SEPTIN10: variants seen among roughly 807,000 people sequenced by gnomAD.
SEPTIN10 encodes the protein septin-10.
Under a neutral mutation model 54.8 loss-of-function variants are expected in SEPTIN10, and 66 were observed. The observed-to-expected ratio is 1.21, with a 90% confidence interval of 0.99 to 1.48. The LOEUF is 1.48. Among genes scored for constraint, SEPTIN10 ranks in the 40% most tolerant of loss-of-function variants. The pLI is 0.00. For synonymous variants in SEPTIN10, 161 were observed against 181.0 expected (o/e 0.89, Z 0.89); for missense variants, 620 against 545.6 (o/e 1.14, Z -1.36).
chr2:109,603,860 C>A, intron 1 of SEPTIN10, among the ~76,000 whole-genome samples: 1 of 151,980 alleles, frequency 6.6e-6, no homozygotes, highest in East Asian at 2.0e-4. Context: ...ATGGTGAAAC[C>A]GTCTCTAATT....
chr2:109,547,899 T>C (rs934790007), intron 9 of SEPTIN10, among the ~76,000 whole-genome samples: 1 of 152,196 alleles, frequency 6.6e-6, no homozygotes, highest in Non-Finnish European at 1.5e-5. Flanking sequence ...CTGTGTCCTG[T>C]GCTCTGTTAC....
intron 5 of SEPTIN10, among the ~76,000 whole-genome samples, 153 bp downstream of exon 5, chr2:109,574,428 G>C (rs1337491249): frequency 2.5e-5 from 3 of 118,506 alleles, no homozygotes; most frequent in East Asian, 2.7e-4. Context: ...CTGGGTGACA[G>C]AGTGACTTTA....
chr2:109,572,039 T>C (rs987218619), intron 5 of SEPTIN10, among the ~76,000 whole-genome samples: 1 of 152,238 alleles, frequency 6.6e-6, no homozygotes, highest in Non-Finnish European at 1.5e-5. Flanking sequence ...AGGTGCTTCA[T>C]ATATGCCAGG....
chr2:109,566,655 TGA>T (rs1687110892), intron 6 of SEPTIN10, among the ~76,000 whole-genome samples: 1 of 151,842 alleles, frequency 6.6e-6, no homozygotes, highest in African/African-American at 2.4e-5. Context: ...TCCTAGAAAT[TGA>T]GAGGAGTGAG....
At chr2:109,553,851 C>T (rs1683706735) in intron 8 of SEPTIN10, among the ~76,000 whole-genome samples, 1 of 147,708 alleles carries the variant, frequency 6.8e-6, no homozygotes, top group Admixed American at 6.8e-5. Context: ...AAGACTCTGT[C>T]TCAAAAAAAA....
At chr2:109,566,762 G>A (rs1406299139) in intron 6 of SEPTIN10, among the ~76,000 whole-genome samples, 1 of 152,146 alleles carries the variant, frequency 6.6e-6, no homozygotes, top group African/African-American at 2.4e-5. Context: ...CTTAGAAAAG[G>A]AAAAGATTCT....
intron 5 of SEPTIN10, among the ~76,000 whole-genome samples, chr2:109,573,616 GC>G (rs1387616846): frequency 6.6e-6 from 1 of 152,196 alleles, no homozygotes; most frequent in Non-Finnish European, 1.5e-5. Flanking sequence ...AGAGAAAGAA[GC>G]AGCATCCAGA....
intron 1 of SEPTIN10, among the ~76,000 whole-genome samples, chr2:109,604,452 C>T (rs1254987181): frequency 1.4e-5 from 2 of 140,892 alleles, no homozygotes; most frequent in Admixed American, 7.7e-5. Context: ...AGAGGCCGGG[C>T]GTGGTGGCTG....
chr2:109,601,304 T>C (rs1182587555), intron 1 of SEPTIN10, among the ~76,000 whole-genome samples: 1 of 152,170 alleles, frequency 6.6e-6, no homozygotes, highest in African/African-American at 2.4e-5. Context: ...AGACATCACT[T>C]TGGAAGTTTT....
intron 6 of SEPTIN10, among the ~76,000 whole-genome samples, chr2:109,567,044 C>T (rs895409148): frequency 1.3e-4 from 19 of 151,688 alleles, no homozygotes; most frequent in Non-Finnish European, 1.9e-4. Flanking sequence ...AGTTTAGGTA[C>T]ACTAATATAA....
chr2:109,609,568 A>G (rs1349335448), intron 1 of SEPTIN10, among the ~76,000 whole-genome samples: 2 of 150,420 alleles, frequency 1.3e-5, no homozygotes, highest in Non-Finnish European at 2.9e-5. Flanking sequence ...CACTGCCGAG[A>G]TCGCGCCACT....
intron 4 of SEPTIN10, among the ~76,000 whole-genome samples, chr2:109,578,735 C>A (rs1558804775): frequency 6.6e-6 from 1 of 151,456 alleles, no homozygotes; most frequent in Admixed American, 6.6e-5. Context: ...CCACTGCACT[C>A]TAGCCTGGCC....
chr2:109,590,056 G>A (rs867403112), intron 2 of SEPTIN10, among the ~76,000 whole-genome samples: 140 of 145,008 alleles, frequency 9.7e-4, no homozygotes, highest in African/African-American at 3.5e-3. Flanking sequence ...ATATGTGTGT[G>A]TATATATATA....
At chr2:109,590,050 G>GTATATATATACACACATATATA (rs1693596000) in intron 2 of SEPTIN10, among the ~76,000 whole-genome samples, 5 of 144,022 alleles carry the variant, frequency 3.5e-5, no homozygotes, top group South Asian at 4.8e-4. Context: ...ACATATATAT[G>GTATATATATACACACATATATA]TGTGTGTATA....
At position 109,567,748 on chromosome 2, in the gene SEPTIN10, T is replaced by C. The variant is rs369266169; in HGVS notation, c.762+67A>G. On this transcript the variant is annotated intron_variant, in intron 6 of 10. Coordinates refer to ENST00000397712, the MANE Select transcript of SEPTIN10 (RefSeq NM_144710.5). ...ACAAGTGAAAGTGTATTAGCAGCAA[T>C]ATTACTCACAAATTACAGTTTTATT... 5.9e-5 allele frequency: 84 copies of C among 1,429,558 alleles called. No homozygotes were observed. The Middle Eastern group carries it at 1.0e-3, about 18-fold the overall frequency. 88.6% of individuals were successfully genotyped at this position (1,429,558 alleles called of 1,614,324 possible). A position where few individuals can be genotyped will look rare whatever the true frequency, so the allele number is the denominator to read the frequency against.
At chr2:109,582,076 AC>A (rs1691295621) in intron 4 of SEPTIN10, among the ~76,000 whole-genome samples, 1 of 7,404 alleles carries the variant, frequency 1.4e-4, no homozygotes, top group Non-Finnish European at 2.0e-4. Context: ...TGTACAACAG[AC>A]ACACACACAC....
chr2:109,607,016 T>A (rs1698144402), intron 1 of SEPTIN10, among the ~76,000 whole-genome samples: 2 of 152,212 alleles, frequency 1.3e-5, no homozygotes, highest in Admixed American at 6.5e-5. Flanking sequence ...AGTTTCAGCA[T>A]ATAAACAGTG....
At chr2:109,559,037 C>G (rs1270869246) in intron 8 of SEPTIN10, among the ~76,000 whole-genome samples, 4 of 152,074 alleles carry the variant, frequency 2.6e-5, no homozygotes, top group Non-Finnish European at 4.4e-5. Flanking sequence ...AGGTGTCCGC[C>G]ACCACACCCG....
chr2:109,585,004 C>T, intron 4 of SEPTIN10, 122 bp downstream of exon 4: 2 of 454,094 alleles, frequency 4.4e-6, no homozygotes, highest in Non-Finnish European at 7.6e-6. Context: ...ATTTTTAAAA[C>T]AATGTGTGGA....
Sources: allele counts gnomAD v4.1 joint callset (sites outside exome capture counted in the v4.1 genomes callset), GRCh38; gene constraint gnomAD v4.1.1; transcripts MANE v1.5; gene names NCBI Gene and HGNC (gene_info 2026-07-23, HGNC 2026-07-21).